Variants in CLINT1 observed in about 807,000 individuals in gnomAD.
The protein encoded by CLINT1 is clathrin interacting protein localized in the trans-Golgi region.
In CLINT1, 15 loss-of-function variants were observed where a neutral mutation model predicts 70.4. That is an observed-to-expected ratio of 0.21 (90% CI 0.14 to 0.33). The LOEUF (loss-of-function observed/expected upper bound fraction) is 0.33. Ranked by LOEUF, CLINT1 falls within the 10% of genes least tolerant of loss-of-function variation. The probability of loss-of-function intolerance (pLI) is 1.00; values close to 1 mark genes in which losing one functional copy is unlikely to be tolerated. For synonymous variants in CLINT1, 227 were observed against 254.7 expected, an observed-to-expected ratio of 0.89 and a Z score of 1.04; for missense variants, 615 against 778.1, an observed-to-expected ratio of 0.79 and a Z score of 2.49.
chr5:157,858,242 A>C (rs1484731397), intron 1 of CLINT1, among the ~76,000 whole-genome samples: 2 of 152,236 alleles, frequency 1.3e-5, no homozygotes, highest in Non-Finnish European at 2.9e-5. Flanking sequence ...GAATGGAACA[A>C]GTAGCACACC....
intron 3 of CLINT1, among the ~76,000 whole-genome samples, chr5:157,815,787 C>A (rs570493492): frequency 7.9e-5 from 12 of 152,296 alleles, no homozygotes; most frequent in Non-Finnish European, 5.9e-5. Flanking sequence ...TGGCTACAAA[C>A]CTGTGCAGCA....
chr5:157,835,372 T>A (rs182561227), intron 1 of CLINT1, among the ~76,000 whole-genome samples: 1 of 152,126 alleles, frequency 6.6e-6, no homozygotes, highest in East Asian at 1.9e-4. Flanking sequence ...AAAACACACA[T>A]AAAAAACAAA....
Position 157,796,171 on chromosome 5 carries a change from A to G in CLINT1, c.1013-1199T>C, listed in dbSNP as rs529366739. ...TAAATACTTGTATTTTGTATTTTTA[A>G]TGCATGGGAAAAAAATAGCTTTTTT... On this transcript the variant is annotated intron_variant, in intron 8 of 11. Coordinates refer to ENST00000411809, the MANE Select transcript of CLINT1 (RefSeq NM_014666.4). The G allele has an allele frequency of 3.9e-5, 6 of 152,326 alleles. No homozygotes were observed. In the East Asian group the frequency reaches 1.2e-3, roughly 29 times the overall value. 9.4% of individuals were successfully genotyped at this position (152,326 alleles called of 1,614,324 possible).
chr5:157,805,902 C>A lies in CLINT1; in HGVS notation c.906G>T (p.Gln302His). The change falls in exon 7 of 12, where the codon CAG becomes CAT. Residue 302 changes from glutamine to histidine, a missense_variant. Physicochemically the swap from Gln to His is conservative, Grantham distance 24 (BLOSUM62 0). Transcript: ENST00000411809. ...HYTGDKASPDQNASTHTPQSS... is the reference protein window; with the variant it reads ...HYTGDKASPDHNASTHTPQSS... ...ACTGAGGTGTGTGGGTTGAAGCATT[C>A]TGATCTGGACTTGCTTTGTCCCCTG... 1 of 1,613,970 alleles carries A rather than the reference C, an allele frequency of 6.2e-7. No individual in the cohort carries two copies. Among genetic ancestry groups the A allele is most frequent in the Non-Finnish European group, 8.5e-7 (1 of 1,179,890 alleles).
At chr5:157,830,741 C>T (rs1053621184) in intron 1 of CLINT1, among the ~76,000 whole-genome samples, 3 of 137,584 alleles carry the variant, frequency 2.2e-5, no homozygotes, top group Non-Finnish European at 4.7e-5. Context: ...ACTCTCCCTG[C>T]CCCTCCCTCT....
chr5:157,838,122 G>GTTTTTTTTTT (rs199515235), intron 1 of CLINT1, among the ~76,000 whole-genome samples: 3 of 129,944 alleles, frequency 2.3e-5, no homozygotes, highest in Non-Finnish European at 3.2e-5. Context: ...AGGTTTTTTT[G>GTTTTTTTTTT]TTTTTTTTTT....
At chr5:157,806,387 A>G (rs536221374) in intron 6 of CLINT1, among the ~76,000 whole-genome samples, 11 of 148,476 alleles carry the variant, frequency 7.4e-5, no homozygotes, top group African/African-American at 2.6e-4. Context: ...AAAAATGTCA[A>G]AATAACTCGT....
intron 1 of CLINT1, among the ~76,000 whole-genome samples, chr5:157,850,971 T>G (rs910051959): frequency 6.6e-6 from 1 of 152,110 alleles, no homozygotes; most frequent in Non-Finnish European, 1.5e-5. Flanking sequence ...ATTTTTTAAT[T>G]TTTTTGTAGA....
chr5:157,826,010 T>C (rs1174516091), intron 1 of CLINT1, among the ~76,000 whole-genome samples: 5 of 152,100 alleles, frequency 3.3e-5, no homozygotes, highest in Non-Finnish European at 7.4e-5. Context: ...ATAGATAAAA[T>C]AGATAAATAT....
intron 8 of CLINT1, among the ~76,000 whole-genome samples, chr5:157,801,422 G>A (rs553968479): frequency 5.7e-4 from 86 of 152,152 alleles, no homozygotes; most frequent in African/African-American, 1.7e-3. Context: ...CAGGAGAATC[G>A]CTTGAACCCG....
chr5:157,824,763 C>A (rs917904593), intron 1 of CLINT1, among the ~76,000 whole-genome samples: 13 of 152,282 alleles, frequency 8.5e-5, no homozygotes, highest in Middle Eastern at 6.8e-3. Context: ...CCAAATCCCA[C>A]AACTAGTAAA....
Position 157,786,752 on chromosome 5 carries a change from A to C in CLINT1, c.*894T>G, listed in dbSNP as rs1049698862. 6.6e-6 allele frequency: 1 copy of C among 152,398 alleles called. No homozygotes were observed. Among genetic ancestry groups the C allele is most frequent in the Non-Finnish European group, 1.5e-5 (1 of 68,018 alleles). 9.4% of individuals were successfully genotyped at this position (152,398 alleles called of 1,614,324 possible). A position where few individuals can be genotyped will look rare whatever the true frequency, so the allele number is the denominator to read the frequency against. ...TAACTTAAGGTTTTAATGGATTTTT[A>C]CCTTTGCAGACACCCAAAAAAAAAA... On this transcript the variant is annotated 3_prime_UTR_variant, in exon 12 of 12. Transcript: ENST00000411809.
intron 1 of CLINT1, among the ~76,000 whole-genome samples, chr5:157,838,055 T>C (rs149365844): frequency 0.015 from 2,250 of 152,236 alleles, 56 homozygotes; most frequent in African/African-American, 0.051. Flanking sequence ...CATTTTTTCT[T>C]AATTGCTGGA....
At chr5:157,830,509 G>C (rs374810805) in intron 1 of CLINT1, among the ~76,000 whole-genome samples, 1 of 151,384 alleles carries the variant, frequency 6.6e-6, no homozygotes, top group Non-Finnish European at 1.5e-5. Context: ...TATTCTTTTC[G>C]TAAGAGTAAA....
chr5:157,793,058 G>A (rs1388188103), intron 9 of CLINT1, among the ~76,000 whole-genome samples: 1 of 152,156 alleles, frequency 6.6e-6, no homozygotes, highest in East Asian at 1.9e-4. Flanking sequence ...ATAAGGTGAA[G>A]TCTTTAAAAT....
At chr5:157,814,129 G>A in intron 4 of CLINT1, 56 bp downstream of exon 4, 1 of 1,123,536 alleles carries the variant, frequency 8.9e-7, no homozygotes, top group African/African-American at 1.5e-5. Flanking sequence ...TGGTTCAGGT[G>A]ACTGACAACT....
intron 1 of CLINT1, among the ~76,000 whole-genome samples, chr5:157,828,573 G>C (rs371018914): frequency 1.3e-5 from 2 of 152,142 alleles, no homozygotes; most frequent in East Asian, 3.9e-4. Context: ...AATAACTAGA[G>C]TGGGTTGAAG....
chr5:157,837,639 A>G (rs2113287709), intron 1 of CLINT1, among the ~76,000 whole-genome samples: 1 of 131,326 alleles, frequency 7.6e-6, no homozygotes, highest in South Asian at 2.4e-4. Flanking sequence ...AAATTTCTCA[A>G]GCTCTTTTAC....
intron 5 of CLINT1, among the ~76,000 whole-genome samples, chr5:157,812,518 A>G (rs1468046251): frequency 6.6e-6 from 1 of 152,240 alleles, no homozygotes; most frequent in Non-Finnish European, 1.5e-5. Context: ...TGGGAAGAAT[A>G]AACAAAACAA....
Sources: gnomAD v4.1 joint callset for allele counts (sites outside exome capture counted in the v4.1 genomes callset) on GRCh38, gnomAD v4.1.1 for gene constraint, MANE v1.5 for transcripts, NCBI Gene and HGNC (gene_info 2026-07-23, HGNC 2026-07-21) for gene names.